The following CHRNA7 variants were observed in gnomAD, a reference collection of about 807,000 sequenced individuals.
CHRNA7 encodes neuronal acetylcholine receptor subunit alpha-7.
CHRNA7 carries 17 observed loss-of-function variants against 48.0 expected under a neutral mutation model. That is an observed-to-expected ratio of 0.35 (90% confidence interval 0.24 to 0.53). CHRNA7 has a LOEUF of 0.53. CHRNA7 is among the 20% of genes least tolerant of loss of function. CHRNA7 has a pLI of 0.92. For synonymous variants in CHRNA7, 75 were observed against 242.3 expected (o/e 0.31, Z 6.41); for missense variants, 155 against 577.7 (o/e 0.27, Z 7.50).
intron 2 of CHRNA7, among the ~76,000 whole-genome samples, chr15:32,036,190 C>T (rs1408663624): frequency 1.3e-5 from 2 of 152,176 alleles, no homozygotes; most frequent in Non-Finnish European, 2.9e-5. Flanking sequence ...CAGTCTGTAG[C>T]CTTTTCAGAT....
intron 4 of CHRNA7, among the ~76,000 whole-genome samples, chr15:32,122,641 A>T (rs1396522041): frequency 1.3e-5 from 2 of 151,950 alleles, no homozygotes; most frequent in Non-Finnish European, 2.9e-5. Flanking sequence ...ATGTTTGTGT[A>T]TGCTATGAGG....
chr15:32,070,779 C>T lies in CHRNA7; in HGVS notation c.196-30524C>T, dbSNP rs192289922. Among the ~76,000 whole-genome samples, 21 of 140,266 alleles carry T rather than the reference C, an allele frequency of 1.5e-4. No homozygotes were observed. The East Asian group carries it at 1.8e-3, about 12-fold the overall frequency. 92.0% of individuals were successfully genotyped at this position (140,266 alleles called of 152,430 possible). A position where few individuals can be genotyped will look rare whatever the true frequency, so the allele number is the denominator to read the frequency against. On this transcript the variant is annotated intron_variant, in intron 2 of 9. Transcript: ENST00000306901. ...TTGGCTCACTGCAAACTCTGCCTCGCGGATTCACGCCATTCTCCTGCCTCA... is the reference window on the plus strand; with the variant it reads ...TTGGCTCACTGCAAACTCTGCCTCGTGGATTCACGCCATTCTCCTGCCTCA...
At chr15:32,125,295 C>G (rs1015265913) in intron 4 of CHRNA7, among the ~76,000 whole-genome samples, 6 of 152,186 alleles carry the variant, frequency 3.9e-5, no homozygotes, top group Non-Finnish European at 7.4e-5. Flanking sequence ...ACCAAAGAAT[C>G]AACCTGGTGC....
At chr15:32,137,514 CAGT>C (rs1412797784) in intron 4 of CHRNA7, among the ~76,000 whole-genome samples, 2 of 152,066 alleles carry the variant, frequency 1.3e-5, no homozygotes, top group African/African-American at 4.8e-5. Flanking sequence ...TCCACAATTA[CAGT>C]AGAAGATTTT....
chr15:32,057,450 G>A (rs1349412443), intron 2 of CHRNA7, among the ~76,000 whole-genome samples: 1 of 152,104 alleles, frequency 6.6e-6, no homozygotes, highest in African/African-American at 2.4e-5. Flanking sequence ...TGATTTTAAG[G>A]ATAGGCTGTA....
intron 2 of CHRNA7, among the ~76,000 whole-genome samples, chr15:32,083,783 T>C (rs767286901): frequency 2.0e-5 from 3 of 152,206 alleles, no homozygotes; most frequent in Non-Finnish European, 4.4e-5. Flanking sequence ...ATGCAAACTA[T>C]TTAATCACTT....
chr15:32,130,883 T>G (rs1455973996), intron 4 of CHRNA7, among the ~76,000 whole-genome samples: 1 of 152,126 alleles, frequency 6.6e-6, no homozygotes, highest in Non-Finnish European at 1.5e-5. Flanking sequence ...TTTCTTCATC[T>G]GAAAATGTCT....
Position 32,149,249 on chromosome 15 carries a change from G to A in CHRNA7, c.351-4658G>A, listed in dbSNP as rs974253308. On this transcript the variant is annotated intron_variant, in intron 4 of 9. Coordinates refer to ENST00000306901, the MANE Select transcript of CHRNA7 (RefSeq NM_000746.6). This position sits in a 1 kb window ranked among gnomAD's most constrained non-coding sequence, Gnocchi z 4.6. ...AGTTTACACACAGAAGAGGAGTGAG[G>A]AGGAGAATGAATCCCTGCAGCCCTA... Among the ~76,000 whole-genome samples the A allele has an allele frequency of 5.9e-5, 9 of 152,230 alleles. No individual in the cohort carries two copies. Among genetic ancestry groups the A allele is most frequent in the Non-Finnish European group, 1.2e-4 (8 of 68,044 alleles).
chr15:32,143,731 G>C (rs1165293973), intron 4 of CHRNA7, among the ~76,000 whole-genome samples: 1 of 152,070 alleles, frequency 6.6e-6, no homozygotes, highest in Non-Finnish European at 1.5e-5. Context: ...CAGAGACTAG[G>C]ATTGCAACCC....
rs912290984 is a variant in CHRNA7 at position 32,030,539 on chromosome 15, C to G, written c.-56C>G. 2 of 1,405,624 alleles carry G rather than the reference C, an allele frequency of 1.4e-6. No individual in the cohort carries two copies. Among genetic ancestry groups the G allele is most frequent in the South Asian group, 1.5e-5 (1 of 64,930 alleles). The allele number at this position is 1,405,624 out of a possible 1,614,324, so 87.1% of individuals were successfully genotyped here. A position where few individuals can be genotyped will look rare whatever the true frequency, so the allele number is the denominator to read the frequency against. Reference sequence around the variant, plus strand: ...TGCCTCTGTGGCCGCAGGCGCAGGCCCGGGCGACAGCCGAGACGTGGAGCG... The same window carrying G: ...TGCCTCTGTGGCCGCAGGCGCAGGCGCGGGCGACAGCCGAGACGTGGAGCG... On this transcript the variant is annotated 5_prime_UTR_variant, in exon 1 of 10. Coordinates refer to ENST00000306901, the MANE Select transcript of CHRNA7 (RefSeq NM_000746.6).
At chr15:32,137,751 C>A (rs766931168) in intron 4 of CHRNA7, among the ~76,000 whole-genome samples, 1 of 152,160 alleles carries the variant, frequency 6.6e-6, no homozygotes, top group African/African-American at 2.4e-5. Context: ...TGTGTGTGTA[C>A]GTGTGTGTGC....
At chr15:32,084,423 G>T (rs1279008438) in intron 2 of CHRNA7, among the ~76,000 whole-genome samples, 1 of 152,106 alleles carries the variant, frequency 6.6e-6, no homozygotes, top group Non-Finnish European at 1.5e-5. Context: ...TCAGCACTGG[G>T]GACTGACTGG....
chr15:32,137,344 C>A (rs370696625), intron 4 of CHRNA7, among the ~76,000 whole-genome samples: 2,173 of 151,370 alleles, frequency 0.014, 53 homozygotes, highest in African/African-American at 0.045. Context: ...CACCCCCCCC[C>A]CACACAAACA....
At chr15:32,088,267 G>T (rs2050330275) in intron 2 of CHRNA7, among the ~76,000 whole-genome samples, 1 of 152,106 alleles carries the variant, frequency 6.6e-6, no homozygotes. Context: ...TGGCTTGATA[G>T]CTCATTTCAT....
chr15:32,135,860 C>A (rs762600120), intron 4 of CHRNA7, among the ~76,000 whole-genome samples: 12 of 152,050 alleles, frequency 7.9e-5, no homozygotes, highest in Non-Finnish European at 1.6e-4. Flanking sequence ...AAAGAGATGG[C>A]AATTAGACTG....
intron 2 of CHRNA7, among the ~76,000 whole-genome samples, chr15:32,087,379 TG>T (rs2050314361): frequency 6.6e-6 from 1 of 152,160 alleles, no homozygotes; most frequent in Non-Finnish European, 1.5e-5. Context: ...CAGGTTCATC[TG>T]GTATATTTCC....
At chr15:32,089,818 G>C (rs1247872411) in intron 2 of CHRNA7, among the ~76,000 whole-genome samples, 2 of 152,292 alleles carry the variant, frequency 1.3e-5, no homozygotes, top group East Asian at 3.9e-4. Context: ...TAGCTTTTTA[G>C]TGTGCGAATT....
intron 2 of CHRNA7, among the ~76,000 whole-genome samples, chr15:32,044,029 T>C (rs1284505839): frequency 6.6e-6 from 1 of 152,232 alleles, no homozygotes; most frequent in African/African-American, 2.4e-5. Flanking sequence ...GTACTTCTCT[T>C]AAGAGGTCAG....
intron 2 of CHRNA7, chr15:32,099,299 C>G (rs538936825): frequency 6.6e-6 from 1 of 152,360 alleles, no homozygotes; most frequent in East Asian, 1.9e-4. Context: ...GGACAGGTGC[C>G]AAGAGGAGGG....
Sources: allele counts gnomAD v4.1 joint callset (sites outside exome capture counted in the v4.1 genomes callset), GRCh38; gene constraint gnomAD v4.1.1; non-coding constraint Gnocchi (gnomAD v3.1); transcripts MANE v1.5; gene names NCBI Gene and HGNC (gene_info 2026-07-23, HGNC 2026-07-21).